Variants in TDRD7 observed in about 807,000 individuals in gnomAD.
TDRD7 encodes the protein tudor domain containing 7, also known as tudor domain-containing protein 7.
In TDRD7, 47 loss-of-function variants were observed where a neutral mutation model predicts 109.8. That is an observed-to-expected ratio of 0.43 (90% CI 0.34 to 0.55). TDRD7 has a LOEUF of 0.55. Among genes scored for constraint, TDRD7 ranks in the 20% least tolerant of loss-of-function variants. TDRD7 has a pLI of 0.03. For synonymous variants in TDRD7, 424 were observed against 457.3 expected, an observed-to-expected ratio of 0.93 and a Z score of 0.93; for missense variants, 1,164 against 1,319.2, an observed-to-expected ratio of 0.88 and a Z score of 1.82.
intron 6 of TDRD7, among the ~76,000 whole-genome samples, chr9:97,452,587 G>GA (rs1457904931): frequency 3.9e-5 from 6 of 152,244 alleles, no homozygotes; most frequent in African/African-American, 7.2e-5. Flanking sequence ...ACTGCTGAGG[G>GA]AAAAAATCTG....
chr9:97,460,984 A>G (rs1256370529), intron 7 of TDRD7, among the ~76,000 whole-genome samples: 1 of 152,108 alleles, frequency 6.6e-6, no homozygotes, highest in African/African-American at 2.4e-5. Context: ...TACTAAAAAT[A>G]CAAAAAATTA....
At chr9:97,467,581 G>A (rs1828841545) in intron 8 of TDRD7, among the ~76,000 whole-genome samples, 1 of 152,202 alleles carries the variant, frequency 6.6e-6, no homozygotes, top group African/African-American at 2.4e-5. Context: ...TTACATTCTA[G>A]TGAGAAGAGA....
chr9:97,427,490 A>G (rs1828019826), intron 1 of TDRD7, among the ~76,000 whole-genome samples: 1 of 152,190 alleles, frequency 6.6e-6, no homozygotes. Context: ...CATATAAGTC[A>G]AAGACCAACA....
chr9:97,477,772 A>G (rs1829047147), intron 12 of TDRD7, among the ~76,000 whole-genome samples: 1 of 152,158 alleles, frequency 6.6e-6, no homozygotes, highest in Non-Finnish European at 1.5e-5. Flanking sequence ...TTTTTCCCTT[A>G]TATTTTAATA....
chr9:97,474,545 T>C (rs1828979397), intron 11 of TDRD7, among the ~76,000 whole-genome samples: 1 of 152,194 alleles, frequency 6.6e-6, no homozygotes, highest in Non-Finnish European at 1.5e-5. Context: ...TGCCAAAATA[T>C]GTGCCGAATC....
intron 4 of TDRD7, 91 bp downstream of exon 4, chr9:97,432,329 T>G: frequency 8.5e-7 from 1 of 1,172,112 alleles, no homozygotes; most frequent in African/African-American, 1.5e-5. Flanking sequence ...ACACTTTCTA[T>G]TTTATCTAAG....
intron 1 of TDRD7, among the ~76,000 whole-genome samples, chr9:97,419,435 G>A (rs1487888159): frequency 1.3e-5 from 2 of 152,234 alleles, no homozygotes; most frequent in South Asian, 4.1e-4. Flanking sequence ...TGACTCATGA[G>A]TCATGAACCA....
At chr9:97,419,219 A>G (rs1827859471) in intron 1 of TDRD7, among the ~76,000 whole-genome samples, 1 of 152,196 alleles carries the variant, frequency 6.6e-6, no homozygotes, top group Non-Finnish European at 1.5e-5. Context: ...GCTCTAGATG[A>G]ACTGATGGGA....
At chr9:97,470,427 C>T (rs1157078974) in intron 8 of TDRD7, 131 bp from the exon 9 acceptor site, 1 of 811,126 alleles carries the variant, frequency 1.2e-6, no homozygotes, top group Non-Finnish European at 2.0e-6. Context: ...GGCACCTCCC[C>T]AGCTTTTTCC....
intron 1 of TDRD7, among the ~76,000 whole-genome samples, chr9:97,427,888 C>A (rs1386675651): frequency 6.6e-6 from 1 of 152,116 alleles, no homozygotes; most frequent in Admixed American, 6.5e-5. Flanking sequence ...AAATACAGAG[C>A]TGATCATTTT....
intron 13 of TDRD7, among the ~76,000 whole-genome samples, chr9:97,479,698 C>G (rs1829082375): frequency 6.6e-6 from 1 of 152,206 alleles, no homozygotes; most frequent in South Asian, 2.1e-4. Flanking sequence ...AACTGATGGA[C>G]TGTAAGCCAA....
intron 14 of TDRD7, among the ~76,000 whole-genome samples, chr9:97,482,389 G>A (rs1829130604): frequency 1.3e-5 from 2 of 152,098 alleles, no homozygotes; most frequent in South Asian, 4.2e-4. Flanking sequence ...TCCCAGTCTT[G>A]AGGACACACC....
intron 6 of TDRD7, among the ~76,000 whole-genome samples, chr9:97,451,644 T>C (rs958172624): frequency 6.6e-6 from 1 of 152,212 alleles, no homozygotes; most frequent in Admixed American, 6.5e-5. Flanking sequence ...TGTGAGCCAC[T>C]GTAGCAAATT....
chr9:97,453,967 C>T (rs1230364040), intron 6 of TDRD7, among the ~76,000 whole-genome samples: 7 of 152,092 alleles, frequency 4.6e-5, no homozygotes, highest in South Asian at 2.1e-4. Flanking sequence ...TTTAACACCC[C>T]GCTGTCAATA....
chr9:97,454,586 C>T (rs975768316), intron 6 of TDRD7, among the ~76,000 whole-genome samples: 1 of 152,160 alleles, frequency 6.6e-6, no homozygotes. Flanking sequence ...CTGAATGACT[C>T]CTGGGTAAAT....
At chr9:97,413,561 C>G (rs1827760315) in intron 1 of TDRD7, among the ~76,000 whole-genome samples, 2 of 152,162 alleles carry the variant, frequency 1.3e-5, no homozygotes, top group Admixed American at 1.3e-4. Context: ...ACACAAAGAT[C>G]TTTGTGTTTA....
At chr9:97,454,760 A>G (rs1036584128) in intron 6 of TDRD7, among the ~76,000 whole-genome samples, 2 of 152,194 alleles carry the variant, frequency 1.3e-5, no homozygotes, top group Admixed American at 6.5e-5. Flanking sequence ...ACACCCTAAC[A>G]TCACAAAAGA....
In TDRD7 at chr9:97,412,609, T is replaced by C. The variant is rs1043968410; in HGVS notation, c.-7+371T>C. Among the ~76,000 whole-genome samples, 1 of 152,098 alleles carries C rather than the reference T, an allele frequency of 6.6e-6. No homozygotes were observed. Among genetic ancestry groups the C allele is most frequent in the Non-Finnish European group, 1.5e-5 (1 of 67,994 alleles). On this transcript the variant is annotated intron_variant, in intron 1 of 16. Transcript: ENST00000355295. This position sits in a 1 kb window ranked among gnomAD's most constrained non-coding sequence, Gnocchi z 4.3. ...GCGGGAGATGCGGACCAGGAAGTGG[T>C]TCCCGCTACCGGCGCGACAGGCCGC... is the stretch of plus-strand genomic sequence containing the variant.
At chr9:97,484,258 C>T (rs958269879) in intron 15 of TDRD7, among the ~76,000 whole-genome samples, 3 of 152,144 alleles carry the variant, frequency 2.0e-5, no homozygotes, top group Admixed American at 2.0e-4. Context: ...AATATTTTCA[C>T]ATTTGGGTCC....
Sources: allele counts gnomAD v4.1 joint callset (sites outside exome capture counted in the v4.1 genomes callset), GRCh38; gene constraint gnomAD v4.1.1; non-coding constraint Gnocchi (gnomAD v3.1); transcripts MANE v1.5; gene names NCBI Gene and HGNC (gene_info 2026-07-23, HGNC 2026-07-21).